Variants in CACNA2D1 observed in about 807,000 individuals in gnomAD.
The protein encoded by CACNA2D1 is voltage-dependent calcium channel subunit alpha-2/delta-1.
Under a neutral mutation model 171.5 loss-of-function variants are expected in CACNA2D1, and 53 were observed. That is an observed-to-expected ratio of 0.31 (90% CI 0.25 to 0.39). The LOEUF (loss-of-function observed/expected upper bound fraction) is 0.39, where lower values mean the gene tolerates loss of function less well. CACNA2D1 is among the 10% of genes least tolerant of loss of function. CACNA2D1 has a pLI of 1.00. For missense variants in CACNA2D1, 903 were observed against 1,299.8 expected (o/e 0.69, Z 4.69); for synonymous variants, 442 against 443.1 (o/e 1.00, Z 0.03).
At chr7:82,412,756 C>G (rs1162423230) in intron 1 of CACNA2D1, among the ~76,000 whole-genome samples, 2 of 151,546 alleles carry the variant, frequency 1.3e-5, no homozygotes, top group African/African-American at 4.8e-5. Flanking sequence ...AATTCTTGGT[C>G]TAAGTGGTGA....
At chr7:82,443,154 G>A (rs1830635338) in intron 1 of CACNA2D1, among the ~76,000 whole-genome samples, 1 of 151,894 alleles carries the variant, frequency 6.6e-6, no homozygotes, top group African/African-American at 2.4e-5. Flanking sequence ...GCCCGGCCCC[G>A]TGGAGGCGCC....
intron 1 of CACNA2D1, among the ~76,000 whole-genome samples, chr7:82,435,328 T>C (rs1188747833): frequency 1.3e-5 from 2 of 152,072 alleles, no homozygotes; most frequent in East Asian, 1.9e-4. Flanking sequence ...TGAGCCACCA[T>C]GCCCGGCCCA....
At chr7:82,192,819 A>ACACG (rs1798479260) in intron 3 of CACNA2D1, among the ~76,000 whole-genome samples, 2 of 151,372 alleles carry the variant, frequency 1.3e-5, no homozygotes, top group Admixed American at 1.3e-4. Context: ...ACACACACAC[A>ACACG]AACACTATAC....
chr7:82,345,737 T>C (rs1436278753), intron 2 of CACNA2D1, among the ~76,000 whole-genome samples: 4 of 151,730 alleles, frequency 2.6e-5, no homozygotes, highest in Non-Finnish European at 2.9e-5. Context: ...TATTTCAAAA[T>C]ATTCTATAAT....
At chr7:82,174,042 CAAAAAAAAAAAAAAA>C in intron 3 of CACNA2D1, among the ~76,000 whole-genome samples, 1 of 45,644 alleles carries the variant, frequency 2.2e-5, no homozygotes, top group Non-Finnish European at 3.9e-5. Context: ...GACCCTGTCT[CAAAAAAAAAAAAAAA>C]AAAAAAAAAA....
chr7:82,224,001 A>G (rs545451130), intron 3 of CACNA2D1, among the ~76,000 whole-genome samples: 62 of 152,130 alleles, frequency 4.1e-4, no homozygotes, highest in African/African-American at 1.4e-3. Flanking sequence ...GGCCCTTCCT[A>G]CATCTAAAGA....
Position 82,251,982 on chromosome 7 carries a change from T to C in CACNA2D1, c.295-81373A>G, listed in dbSNP as rs1229273884. On this transcript the variant is annotated intron_variant, in intron 3 of 38. Transcript: ENST00000356860. ...TTTATTTCTCTATGATATATGTACT[T>C]TGGAATACCCCAATCTGTGTCTTTC... Among the ~76,000 whole-genome samples, 3 of 152,212 alleles carry C rather than the reference T, an allele frequency of 2.0e-5. 1 individual carries two copies. Among genetic ancestry groups the C allele is most frequent in the Non-Finnish European group, 1.5e-5 (1 of 68,022 alleles).
At chr7:82,082,813 AC>A (rs1809962940) in intron 7 of CACNA2D1, among the ~76,000 whole-genome samples, 1 of 151,984 alleles carries the variant, frequency 6.6e-6, no homozygotes, top group African/African-American at 2.4e-5. Context: ...AAATGTCAAC[AC>A]ATTTGAAAAT....
intron 32 of CACNA2D1, among the ~76,000 whole-genome samples, chr7:81,964,628 A>T (rs2130312025): frequency 6.6e-6 from 1 of 152,036 alleles, no homozygotes; most frequent in Non-Finnish European, 1.5e-5. Flanking sequence ...TCACAATCAA[A>T]TGCTTCCCAG....
intron 1 of CACNA2D1, among the ~76,000 whole-genome samples, chr7:82,387,762 C>T (rs942782465): frequency 6.6e-6 from 1 of 152,094 alleles, no homozygotes; most frequent in Non-Finnish European, 1.5e-5. Flanking sequence ...TGTTCAGGTT[C>T]ACAGTGAAGT....
intron 6 of CACNA2D1, among the ~76,000 whole-genome samples, chr7:82,091,250 C>T (rs1362493207): frequency 6.6e-6 from 1 of 152,108 alleles, no homozygotes; most frequent in Non-Finnish European, 1.5e-5. Context: ...AATCATGTCT[C>T]GGGCACCAGA....
At chr7:82,065,792 A>T (rs1807528112) in intron 8 of CACNA2D1, among the ~76,000 whole-genome samples, 1 of 152,186 alleles carries the variant, frequency 6.6e-6, no homozygotes, top group South Asian at 2.1e-4. Flanking sequence ...TTGATATGAA[A>T]AGTGTGGGAT....
Position 81,971,785 on chromosome 7 carries a change from C to G in CACNA2D1, c.2133G>C (p.Gln711His), listed in dbSNP as rs1351471407. 1 of 1,568,456 alleles carries G rather than the reference C, an allele frequency of 6.4e-7. No homozygotes were observed. Among genetic ancestry groups the G allele is most frequent in the Non-Finnish European group, 8.8e-7 (1 of 1,139,584 alleles). Residue 711 changes from glutamine (Q) to histidine (H), a missense_variant, in exon 26 of 39, where the codon CAG becomes CAC. Transcript: ENST00000356860. ...NELVQNYWSK[Q>H]KNIKGVKARF... is the part of the protein sequence containing the mutation. ...TAAGAACAAATACTTACATATTTTTCTGCTTACTCCAGTAATTTTGGACAA... is the reference window on the plus strand; with the variant it reads ...TAAGAACAAATACTTACATATTTTTGTGCTTACTCCAGTAATTTTGGACAA...
intron 1 of CACNA2D1, among the ~76,000 whole-genome samples, chr7:82,423,540 T>C (rs1308876513): frequency 6.6e-6 from 1 of 152,192 alleles, no homozygotes; most frequent in African/African-American, 2.4e-5. Flanking sequence ...AAAAGCCAAA[T>C]TTGCTTATGA....
At chr7:82,146,803 A>G (rs1456010660) in intron 4 of CACNA2D1, among the ~76,000 whole-genome samples, 3 of 151,086 alleles carry the variant, frequency 2.0e-5, no homozygotes, top group Non-Finnish European at 4.4e-5. Context: ...CCTGGCCATC[A>G]TGGTGAAACC....
chr7:82,403,543 T>TC (rs1826683130), intron 1 of CACNA2D1, among the ~76,000 whole-genome samples: 1 of 152,130 alleles, frequency 6.6e-6, no homozygotes, highest in African/African-American at 2.4e-5. Context: ...CATGTAGCAA[T>TC]CCCCAATTTT....
At chr7:82,194,406 CAA>C (rs1208926623) in intron 3 of CACNA2D1, among the ~76,000 whole-genome samples, 1 of 151,900 alleles carries the variant, frequency 6.6e-6, no homozygotes, top group African/African-American at 2.4e-5. Context: ...AAAAACAAAA[CAA>C]AAAAGTTTCT....
intron 1 of CACNA2D1, among the ~76,000 whole-genome samples, chr7:82,438,108 G>A (rs1355718844): frequency 6.6e-6 from 1 of 152,090 alleles, no homozygotes; most frequent in Non-Finnish European, 1.5e-5. Context: ...TAGGACTTGA[G>A]CATTTTCAGG....
At chr7:82,070,804 A>G (rs2128991602) in intron 7 of CACNA2D1, among the ~76,000 whole-genome samples, 1 of 152,316 alleles carries the variant, frequency 6.6e-6, no homozygotes, top group South Asian at 2.1e-4. Flanking sequence ...ACAGCTAGCA[A>G]CCTTGGTCAC....
Sources: gnomAD v4.1 joint callset for allele counts (sites outside exome capture counted in the v4.1 genomes callset) on GRCh38, gnomAD v4.1.1 for gene constraint, MANE v1.5 for transcripts, NCBI Gene and HGNC (gene_info 2026-07-23, HGNC 2026-07-21) for gene names.